Variants in LMOD3 observed in about 807,000 individuals in gnomAD.
LMOD3 encodes leiomodin-3.
Under a neutral mutation model 41.8 loss-of-function variants are expected in LMOD3, and 31 were observed. That is an observed-to-expected ratio of 0.74 (90% CI 0.56 to 1.00). The LOEUF (loss-of-function observed/expected upper bound fraction) is 1.00, where lower values mean the gene tolerates loss of function less well. Ranked by LOEUF, LMOD3 falls within the 50% of genes least tolerant of loss-of-function variation. The probability of loss-of-function intolerance (pLI) is 0.00; values close to 1 mark genes in which losing one functional copy is unlikely to be tolerated. For missense variants in LMOD3, 755 were observed against 679.5 expected (o/e 1.11, Z -1.23); for synonymous variants, 292 against 241.9 (o/e 1.21, Z -1.92).
At chr3:69,114,538 C>A (rs1382876447) in intron 2 of LMOD3, among the ~76,000 whole-genome samples, 10 of 152,188 alleles carry the variant, frequency 6.6e-5, no homozygotes, top group Non-Finnish European at 1.2e-4. Context: ...GACAGAATCT[C>A]GCTCTGTCGC....
At position 69,108,814 on chromosome 3, in the gene LMOD3, G is replaced by T. The variant is rs1051901; in HGVS notation, c.*281C>A. ...AAAAATTTTCTTTAACTTCTGCTTC[G>T]GGAAATATGACTCTAAATTTCACCT... On this transcript the variant is annotated 3_prime_UTR_variant, in exon 3 of 3. Transcript: ENST00000420581. 0.055 allele frequency: 18,220 copies of T among 332,896 alleles called. 1,790 individuals are homozygous for T. The highest frequency in any genetic ancestry group is 0.33 in the East Asian group (6,530 of 19,838). 20.6% of individuals were successfully genotyped at this position (332,896 alleles called of 1,614,324 possible).
rs2092389118 is a variant in LMOD3 at position 69,118,757 on chromosome 3, G to A, written c.1598C>T (p.Thr533Ile). ...RNRPPPLVEI[T>I]PRDQLLNDIR... Reference sequence around the variant, plus strand: ...GTCGTTTAGCAGCTGATCTCTGGGAGTGATTTCCACCAATGGGGGTGGCCT... The same window carrying A: ...GTCGTTTAGCAGCTGATCTCTGGGAATGATTTCCACCAATGGGGGTGGCCT... Residue 533 changes from threonine to isoleucine, a missense_variant, in exon 2 of 3, where the codon ACT (threonine) becomes ATT (isoleucine). Thr to Ile is a moderately conservative substitution (Grantham distance 89). Transcript: ENST00000420581. The A allele has an allele frequency of 1.2e-6, 2 of 1,612,512 alleles. No individual in the cohort carries two copies. The highest frequency in any genetic ancestry group is 1.7e-4 in the Middle Eastern group (1 of 6,060).
At chr3:69,113,466 G>T (rs2092358307) in intron 2 of LMOD3, among the ~76,000 whole-genome samples, 1 of 152,160 alleles carries the variant, frequency 6.6e-6, no homozygotes, top group African/African-American at 2.4e-5. Context: ...AGAAGAAATG[G>T]CCAGTGATGA....
At chr3:69,114,594 A>G (rs1326342530) in intron 2 of LMOD3, among the ~76,000 whole-genome samples, 16 of 151,874 alleles carry the variant, frequency 1.1e-4, no homozygotes, top group Admixed American at 1.0e-3. Flanking sequence ...TGCAAACTCC[A>G]CCTCCCAGGT....
At chr3:69,109,249 C>A in intron 2 of LMOD3, 128 bp from the exon 3 acceptor site, 1 of 779,840 alleles carries the variant, frequency 1.3e-6, no homozygotes, top group Non-Finnish European at 2.1e-6. Flanking sequence ...GCCAAAGCAC[C>A]TCCAAAATCA....
Position 69,118,786 on chromosome 3 carries a change from T to A in LMOD3, c.1569A>T (p.Arg523Ser). ...TTTCCACCAATGGGGGTGGCCTGTT[T>A]CTCGGCACTGGCTTGAGCGTTTTGA... The part of the protein sequence containing the change: ...DVIKTLKPVP[R>S]NRPPPLVEIT... Residue 523 changes from arginine to serine, a missense_variant, in exon 2 of 3, where the codon AGA (arginine) becomes AGT (serine). By Grantham distance (110) the Arg-to-Ser change is moderately radical (BLOSUM62 -1). Coordinates refer to ENST00000420581, the MANE Select transcript of LMOD3 (RefSeq NM_198271.5). 3 of 1,611,972 alleles carry A rather than the reference T, an allele frequency of 1.9e-6. No homozygotes were observed. The highest frequency in any genetic ancestry group is 2.5e-6 in the Non-Finnish European group (3 of 1,179,442).
chr3:69,119,170 A>G lies in LMOD3; in HGVS notation c.1185T>C (p.Asp395=). The G allele has an allele frequency of 6.2e-7, 1 of 1,613,600 alleles. No homozygotes were observed. The highest frequency in any genetic ancestry group is 8.5e-7 in the Non-Finnish European group (1 of 1,179,792). ...VVTNLLTRNQ[D]KQRQKRQEEQ... Reference sequence around the variant, plus strand: ...CTTCCTGTCGTTTCTGCCTTTGTTTATCCTGATTCCTGGTGAGCAGATTAG... The same window carrying G: ...CTTCCTGTCGTTTCTGCCTTTGTTTGTCCTGATTCCTGGTGAGCAGATTAG... Residue 395 remains aspartate, a synonymous_variant, in exon 2 of 3, where the codon GAT becomes GAC. Coordinates refer to ENST00000420581, the MANE Select transcript of LMOD3 (RefSeq NM_198271.5).
At chr3:69,120,459 A>G (rs774243636) in intron 1 of LMOD3, among the ~76,000 whole-genome samples, 1 of 151,588 alleles carries the variant, frequency 6.6e-6, no homozygotes, top group Non-Finnish European at 1.5e-5. Flanking sequence ...ATGTGATACT[A>G]TAAATATATT....
chr3:69,109,645 A>G (rs948223430), intron 2 of LMOD3, among the ~76,000 whole-genome samples: 4 of 147,256 alleles, frequency 2.7e-5, no homozygotes, highest in African/African-American at 1.0e-4. Flanking sequence ...CTCCTGCCTC[A>G]GCCTCCCAAG....
chr3:69,119,263 C>T lies in LMOD3; in HGVS notation c.1092G>A (p.Leu364=), dbSNP rs1176163098. 1.2e-6 allele frequency: 2 copies of T among 1,613,942 alleles called. No homozygotes were observed. Among genetic ancestry groups the T allele is most frequent in the East Asian group, 2.2e-5 (1 of 44,868 alleles). The part of the protein sequence containing the change: ...HHAEMEIARL[L]KANNTLLKMG... ...TCTTCAGGAGAGTGTTGTTTGCCTT[C>T]AAAAGCCTGGCTATTTCCATTTCAG... The change falls in exon 2 of 3, where the codon TTG becomes TTA. Residue 364 remains leucine, a synonymous_variant. Transcript: ENST00000420581.
chr3:69,122,070 G>A (rs1213721925), intron 1 of LMOD3, 23 bp downstream of exon 1: 4 of 1,596,750 alleles, frequency 2.5e-6, no homozygotes, highest in African/African-American at 1.3e-5. Flanking sequence ...CCATTTCTCG[G>A]TTGTACACAA....
At chr3:69,110,984 C>A (rs1213612351) in intron 2 of LMOD3, among the ~76,000 whole-genome samples, 1 of 150,998 alleles carries the variant, frequency 6.6e-6, no homozygotes, top group Non-Finnish European at 1.5e-5. Context: ...AAGGACAAAG[C>A]AAGTTTTTAA....
At chr3:69,121,060 C>G (rs2092404905) in intron 1 of LMOD3, among the ~76,000 whole-genome samples, 1 of 152,142 alleles carries the variant, frequency 6.6e-6, no homozygotes, top group South Asian at 2.1e-4. Context: ...CATTTCTCAC[C>G]TTGACCAGAA....
Position 69,119,677 on chromosome 3 carries a change from G to A in LMOD3, c.678C>T (p.Ser226=). Residue 226 remains serine, a synonymous_variant, in exon 2 of 3, where the codon AGC becomes AGT. Coordinates refer to ENST00000420581, the MANE Select transcript of LMOD3 (RefSeq NM_198271.5). ...AAGGCCTTGTACTTACCTTCAAAAA[G>A]CTGGTGTCTAGAGCTAACTTCTTAG... ...LDPKKLALDT[S]FLKVSTRPSG... 6.2e-7 allele frequency: 1 copy of A among 1,613,924 alleles called. No individual in the cohort carries two copies. Among genetic ancestry groups the A allele is most frequent in the Non-Finnish European group, 8.5e-7 (1 of 1,179,888 alleles).
At chr3:69,113,108 G>C (rs1320660428) in intron 2 of LMOD3, among the ~76,000 whole-genome samples, 1 of 152,046 alleles carries the variant, frequency 6.6e-6, no homozygotes, top group African/African-American at 2.4e-5. Context: ...CTTTATTGGA[G>C]GTCCTAAAAA....
At chr3:69,113,030 T>C (rs1359582788) in intron 2 of LMOD3, among the ~76,000 whole-genome samples, 2 of 152,242 alleles carry the variant, frequency 1.3e-5, no homozygotes, top group Non-Finnish European at 2.9e-5. Context: ...GCTCCCTTCA[T>C]TAGAATTGTA....
In LMOD3 at chr3:69,118,836, C is replaced by T. The variant is rs149196259; in HGVS notation, c.1519G>A (p.Glu507Lys). The T allele has an allele frequency of 7.9e-4, 1,267 of 1,609,744 alleles. 4 individuals are homozygous for T. Among genetic ancestry groups the T allele is most frequent in the Non-Finnish European group, 9.2e-4 (1,083 of 1,178,870 alleles). ...ATGACATCTTTGAGGTTGGTTTTCT[C>T]GGGTGGTTCTCTGGCTTCCGGCATC... is the stretch of plus-strand genomic sequence containing the variant. ...SRMPEAREPP[E>K]KTNLKDVIKT... is the part of the protein sequence containing the mutation. The change falls in exon 2 of 3, where the codon GAG becomes AAG. Residue 507 changes from glutamate to lysine, a missense_variant. Coordinates refer to ENST00000420581, the MANE Select transcript of LMOD3 (RefSeq NM_198271.5).
rs546541150 is a variant in LMOD3, at chr3:69,119,788, C to T, written c.567G>A (p.Gln189=). Residue 189 remains glutamine (Q), a synonymous_variant, in exon 2 of 3, where the codon CAG becomes CAA. Transcript: ENST00000420581. ...EQIRNCENNC[Q]QVTDKAFKEQ... is the part of the protein sequence containing the mutation. ...CTTTGAATGCTTTGTCAGTTACCTG[C>T]TGGCAGTTGTTCTCACAATTTCTAA... 2 of 1,609,586 alleles carry T rather than the reference C, an allele frequency of 1.2e-6. No homozygotes were observed. Among genetic ancestry groups the T allele is most frequent in the East Asian group, 4.5e-5 (2 of 44,720 alleles).
chr3:69,117,682 G>T (rs2092381533), intron 2 of LMOD3, among the ~76,000 whole-genome samples: 1 of 152,146 alleles, frequency 6.6e-6, no homozygotes, highest in Non-Finnish European at 1.5e-5. Context: ...AATTCATGGT[G>T]ACACCAACCT....
Sources: allele counts gnomAD v4.1 joint callset (sites outside exome capture counted in the v4.1 genomes callset), GRCh38; gene constraint gnomAD v4.1.1; transcripts MANE v1.5; gene names NCBI Gene and HGNC (gene_info 2026-07-23, HGNC 2026-07-21).